Variants in ZNF410 observed in about 807,000 individuals in gnomAD.
The protein encoded by ZNF410 is another partner for ARF 1.
A neutral mutation model predicts 54.8 loss-of-function variants in ZNF410; 18 were observed. The ratio of observed to expected loss-of-function variants is 0.33; its 90% CI spans 0.23 to 0.49. ZNF410 has a LOEUF of 0.49. ZNF410 is among the 20% of genes least tolerant of loss of function. ZNF410 has a pLI of 0.99. For synonymous variants in ZNF410, 191 were observed against 207.3 expected (o/e 0.92, Z 0.68); for missense variants, 405 against 569.6 (o/e 0.71, Z 2.94).
chr14:73,890,553 C>A (rs2055213271), intron 1 of ZNF410, among the ~76,000 whole-genome samples: 1 of 152,124 alleles, frequency 6.6e-6, no homozygotes, highest in South Asian at 2.1e-4. Flanking sequence ...TAATTGGAAA[C>A]TTTAAAGTAC....
rs545616334 is a variant in ZNF410, at chr14:73,899,177, A to G, written c.580+915A>G. The stretch of plus-strand genomic sequence containing the variant: ...ATATGCTTATTATTATTTTTTGATT[A>G]CCATTCAAATGAAAATAAAAAGTTA... On this transcript the variant is annotated intron_variant, in intron 5 of 11. Transcript: ENST00000555044. 5.9e-5 allele frequency among the ~76,000 whole-genome samples: 9 copies of G among 152,094 alleles called. No individual in the cohort carries two copies. In the East Asian group the frequency reaches 1.7e-3, roughly 29 times the overall value.
chr14:73,931,642 T>G lies in ZNF410; in HGVS notation c.*101T>G. 9.0e-7 allele frequency: 1 copy of G among 1,112,002 alleles called. No homozygotes were observed. Among genetic ancestry groups the G allele is most frequent in the East Asian group, 2.4e-5 (1 of 41,510 alleles). The allele number at this position is 1,112,002 out of a possible 1,614,324, so 68.9% of individuals were successfully genotyped here. ...CCACAACAGAACCAGAATGAATCTTTGAAGGCACAAGACTCTGCTTTTGCC... is the reference window on the plus strand; with the variant it reads ...CCACAACAGAACCAGAATGAATCTTGGAAGGCACAAGACTCTGCTTTTGCC... On this transcript the variant is annotated 3_prime_UTR_variant, in exon 12 of 12. Coordinates refer to ENST00000555044, the MANE Select transcript of ZNF410 (RefSeq NM_021188.3).
chr14:73,924,374 CAG>C (rs1237691135), intron 11 of ZNF410, among the ~76,000 whole-genome samples: 10 of 152,300 alleles, frequency 6.6e-5, no homozygotes, highest in African/African-American at 1.7e-4. Context: ...TGGTTCCTAA[CAG>C]GGCACGGACC....
At chr14:73,922,295 C>T in intron 10 of ZNF410, 89 bp downstream of exon 10, 1 of 1,363,560 alleles carries the variant, frequency 7.3e-7, no homozygotes. Flanking sequence ...ATGTTTAAAT[C>T]TCATTTCTTA....
chr14:73,887,560 CAG>C (rs2055163583), intron 1 of ZNF410: 1 of 152,092 alleles, frequency 6.6e-6, no homozygotes, highest in African/African-American at 2.4e-5. Flanking sequence ...TCATGAGGCT[CAG>C]AAATGCATTT....
chr14:73,919,657 A>G (rs2055725095), intron 8 of ZNF410, among the ~76,000 whole-genome samples: 1 of 152,136 alleles, frequency 6.6e-6, no homozygotes, highest in Admixed American at 6.5e-5. Context: ...CATGGTGTGT[A>G]TGTGCCACAT....
At chr14:73,927,380 A>G (rs1392219486) in intron 11 of ZNF410, 1 of 154,534 alleles carries the variant, frequency 6.5e-6, no homozygotes, top group African/African-American at 2.4e-5. Flanking sequence ...CGCCCGGCCT[A>G]ATTGTGATTC....
intron 9 of ZNF410, 34 bp downstream of exon 9, chr14:73,921,139 A>G (rs997401594): frequency 2.5e-6 from 4 of 1,608,850 alleles, no homozygotes; most frequent in Non-Finnish European, 3.4e-6. Flanking sequence ...ACGCTGTACT[A>G]CTTCTAGGGT....
At chr14:73,902,664 T>C (rs1039936221) in intron 5 of ZNF410, among the ~76,000 whole-genome samples, 2 of 152,122 alleles carry the variant, frequency 1.3e-5, no homozygotes, top group East Asian at 3.8e-4. Flanking sequence ...GTATATATAG[T>C]GGAAAGATAC....
At chr14:73,917,787 C>G (rs1048763237) in intron 8 of ZNF410, among the ~76,000 whole-genome samples, 4 of 152,114 alleles carry the variant, frequency 2.6e-5, no homozygotes, top group Non-Finnish European at 5.9e-5. Context: ...CATGCCACTG[C>G]ACTCCAGCCT....
At chr14:73,897,474 A>G (rs1296541967) in intron 4 of ZNF410, among the ~76,000 whole-genome samples, 1 of 152,164 alleles carries the variant, frequency 6.6e-6, no homozygotes, top group Non-Finnish European at 1.5e-5. Context: ...TAACACAAGT[A>G]TATATGGGGG....
chr14:73,891,554 A>G (rs144950922), intron 1 of ZNF410, among the ~76,000 whole-genome samples: 401 of 152,220 alleles, frequency 2.6e-3, no homozygotes, highest in Non-Finnish European at 4.5e-3. Context: ...GGGTTTCACT[A>G]TGTTGGCCAG....
intron 1 of ZNF410, among the ~76,000 whole-genome samples, chr14:73,888,864 TTTTTA>T (rs2055182364): frequency 1.3e-5 from 2 of 152,248 alleles, no homozygotes. Context: ...ATCCTGCTAT[TTTTTA>T]TTTTATTCAT....
At chr14:73,920,768 G>C (rs1294687997) in intron 8 of ZNF410, 3 of 543,130 alleles carry the variant, frequency 5.5e-6, no homozygotes, top group East Asian at 3.3e-5. Flanking sequence ...AGGACCAGCA[G>C]CTGGGAGCAG....
chr14:73,912,288 G>C (rs2055593228), intron 8 of ZNF410, among the ~76,000 whole-genome samples: 1 of 150,832 alleles, frequency 6.6e-6, no homozygotes, highest in Admixed American at 6.6e-5. Flanking sequence ...TCCCGTCTCA[G>C]CCACCCGAGT....
Position 73,918,799 on chromosome 14 carries a change from C to T in ZNF410, c.1004-2181C>T, listed in dbSNP as rs547150907. Among the ~76,000 whole-genome samples the T allele has an allele frequency of 1.1e-4, 16 of 146,832 alleles. No homozygotes were observed. In the East Asian group the frequency reaches 2.2e-3, roughly 21 times the overall value. ...CTGCAAGCTCTGCCTCCTCGGTTCA[C>T]GCCATTCTTCTGCCTCAGCGTACCG... is the stretch of plus-strand genomic sequence containing the variant. On this transcript the variant is annotated intron_variant, in intron 8 of 11. Coordinates refer to ENST00000555044, the MANE Select transcript of ZNF410 (RefSeq NM_021188.3).
chr14:73,898,033 C>G, intron 4 of ZNF410, 38 bp from the exon 5 acceptor site: 7 of 1,462,050 alleles, frequency 4.8e-6, no homozygotes, highest in Non-Finnish European at 6.5e-6. Flanking sequence ...AAAAAGCTTG[C>G]TTGGTTTCTA....
chr14:73,887,443 G>C (rs991575102), intron 1 of ZNF410: 10 of 152,230 alleles, frequency 6.6e-5, no homozygotes, highest in African/African-American at 2.2e-4. Flanking sequence ...TGTCAGTTCG[G>C]GGGGCAGGAG....
intron 11 of ZNF410, among the ~76,000 whole-genome samples, chr14:73,925,566 T>G (rs2140329203): frequency 6.6e-6 from 1 of 152,204 alleles, no homozygotes; most frequent in African/African-American, 2.4e-5. Flanking sequence ...TAGCTGGGAT[T>G]GCAGGCACCC....
Sources: allele counts gnomAD v4.1 joint callset (sites outside exome capture counted in the v4.1 genomes callset), GRCh38; gene constraint gnomAD v4.1.1; transcripts MANE v1.5; gene names NCBI Gene and HGNC (gene_info 2026-07-23, HGNC 2026-07-21).